Variants in ARHGAP36 observed in about 807,000 individuals in gnomAD.
ARHGAP36 encodes the protein rho GTPase-activating protein 36.
A neutral mutation model predicts 32.9 loss-of-function variants in ARHGAP36; 7 were observed. The ratio of observed to expected loss-of-function variants is 0.21; its 90% CI spans 0.12 to 0.40. ARHGAP36 has a LOEUF of 0.40. Ranked by LOEUF, ARHGAP36 falls within the 10% of genes least tolerant of loss-of-function variation. ARHGAP36 has a pLI of 1.00. For synonymous variants in ARHGAP36, 165 were observed against 168.3 expected (o/e 0.98, Z 0.15); for missense variants, 383 against 442.2 (o/e 0.87, Z 1.20).
chrX:131,064,784 T>G (rs1046491961), intron 1 of ARHGAP36, among the ~76,000 whole-genome samples: 6 of 111,239 alleles, frequency 5.4e-5, no homozygotes, highest in African/African-American at 2.0e-4. Flanking sequence ...TTCAAGGGCT[T>G]TACTCTCATG....
intron 3 of ARHGAP36, 31 bp from the exon 4 acceptor site, chrX:131,083,703 G>A: frequency 1.7e-6 from 2 of 1,187,856 alleles, no homozygotes; most frequent in Non-Finnish European, 2.3e-6. Context: ...AGGCTTTGAC[G>A]TTTCTCATTC....
At chrX:131,065,049 GTGT>G (rs1336482109) in intron 1 of ARHGAP36, among the ~76,000 whole-genome samples, 1 of 110,787 alleles carries the variant, frequency 9.0e-6, no homozygotes, top group Non-Finnish European at 1.9e-5. Context: ...GTTTGTGTGT[GTGT>G]GTGTGTGTGT....
chrX:131,078,846 C>A lies in ARHGAP36; in HGVS notation c.-142-2678C>A, dbSNP rs1050160309. 11 of 677,356 alleles carry A rather than the reference C, an allele frequency of 1.6e-5. No individual in the cohort carries two copies. The African/African-American group carries it at 2.5e-4, about 15-fold the overall frequency. The allele number at this position is 677,356 out of a possible 1,213,427, so 55.8% of individuals were successfully genotyped here. A position where few individuals can be genotyped will look rare whatever the true frequency, so the allele number is the denominator to read the frequency against. On this transcript the variant is annotated intron_variant, in intron 1 of 11. Transcript: ENST00000276211. Reference sequence around the variant, plus strand: ...GCTGGAGCAGGGAGGCAATGACAAACGGTTTATTCTAAGGCCTTTGATTTC... The same window carrying A: ...GCTGGAGCAGGGAGGCAATGACAAAAGGTTTATTCTAAGGCCTTTGATTTC...
At chrX:131,084,021 G>A (rs376767505) in intron 4 of ARHGAP36, 52 bp downstream of exon 4, 2 of 1,159,679 alleles carry the variant, frequency 1.7e-6, no homozygotes, top group East Asian at 3.1e-5. Flanking sequence ...AGGTATGCAG[G>A]AATGTGAGGC....
In ARHGAP36 at chrX:131,089,620, C is replaced by T. The variant is rs762569872; in HGVS notation, c.*835C>T. Reference sequence around the variant, plus strand: ...CTTGATTACAAATGTTCTTAACTATCGTCTCTGTAATTCCTTTATACAGGA... The same window carrying T: ...CTTGATTACAAATGTTCTTAACTATTGTCTCTGTAATTCCTTTATACAGGA... On this transcript the variant is annotated 3_prime_UTR_variant, in exon 12 of 12. Transcript: ENST00000276211. The T allele has an allele frequency of 1.8e-5, 2 of 113,121 alleles. No individual in the cohort carries two copies. Among genetic ancestry groups the T allele is most frequent in the Non-Finnish European group, 3.7e-5 (2 of 53,386 alleles). The allele number at this position is 113,121 out of a possible 1,213,427, so 9.3% of individuals were successfully genotyped here.
Position 131,089,557 on chromosome X carries a change from G to A in ARHGAP36, c.*772G>A, listed in dbSNP as rs1353477789. 1.8e-5 allele frequency: 2 copies of A among 113,283 alleles called. No individual in the cohort carries two copies. Among genetic ancestry groups the A allele is most frequent in the East Asian group, 2.8e-4 (1 of 3,601 alleles). 9.3% of individuals were successfully genotyped at this position (113,283 alleles called of 1,213,427 possible). A position where few individuals can be genotyped will look rare whatever the true frequency, so the allele number is the denominator to read the frequency against. On this transcript the variant is annotated 3_prime_UTR_variant, in exon 12 of 12. Transcript: ENST00000276211. ...CACCCTCTTGTCAGCAAAACAGCTA[G>A]TTAGGTAAGGACATATAGTTCCAAG...
At chrX:131,082,346 TGA>T (rs1251683937) in intron 2 of ARHGAP36, among the ~76,000 whole-genome samples, 17 of 111,667 alleles carry the variant, frequency 1.5e-4, no homozygotes, top group Non-Finnish European at 2.5e-4. Flanking sequence ...AGACAGTGCG[TGA>T]GAGAGAGACG....
At position 131,085,009 on chromosome X, in the gene ARHGAP36, C is replaced by T; in HGVS notation, c.900C>T (p.Asp300=). The change falls in exon 7 of 12, where the codon GAC becomes GAT. Residue 300 remains aspartate (D), a synonymous_variant. Transcript: ENST00000276211. ...VAALLKEFFR[D]MKDSLLPDDL... is the part of the protein sequence containing the mutation. ...CACTCCTCAAGGAGTTTTTCCGTGACATGAAGGATTCTCTGCTGCCAGATG... is the reference window on the plus strand; with the variant it reads ...CACTCCTCAAGGAGTTTTTCCGTGATATGAAGGATTCTCTGCTGCCAGATG... 5 of 1,211,580 alleles carry T rather than the reference C, an allele frequency of 4.1e-6. No homozygotes were observed. The highest frequency in any genetic ancestry group is 5.6e-6 in the Non-Finnish European group (5 of 895,523).
intron 1 of ARHGAP36, among the ~76,000 whole-genome samples, chrX:131,062,470 G>A (rs747927127): frequency 7.2e-5 from 8 of 110,730 alleles, no homozygotes; most frequent in East Asian, 2.8e-4. Context: ...GACTAGATCC[G>A]GCCAGCCAAC....
intron 1 of ARHGAP36, among the ~76,000 whole-genome samples, chrX:131,069,061 C>A (rs1369532585): frequency 8.9e-6 from 1 of 112,327 alleles, no homozygotes; most frequent in Non-Finnish European, 1.9e-5. Flanking sequence ...CAGCTTCGGA[C>A]TGGGCGCCAC....
chrX:131,059,857 G>T (rs1351310435), intron 1 of ARHGAP36, among the ~76,000 whole-genome samples: 21 of 111,721 alleles, frequency 1.9e-4, no homozygotes, highest in African/African-American at 6.5e-4. Flanking sequence ...GGACTAGAAG[G>T]TTGTCATGTG....
rs41310737 is a variant in ARHGAP36, at chrX:131,089,304, C to A, written c.*519C>A. The A allele has an allele frequency of 0.028, 3,218 of 113,325 alleles. 108 individuals carry two copies. The highest frequency in any genetic ancestry group is 0.15 in the East Asian group (516 of 3,542). The allele number at this position is 113,325 out of a possible 1,213,427, so 9.3% of individuals were successfully genotyped here. A position where few individuals can be genotyped will look rare whatever the true frequency, so the allele number is the denominator to read the frequency against. On this transcript the variant is annotated 3_prime_UTR_variant, in exon 12 of 12. Coordinates refer to ENST00000276211, the MANE Select transcript of ARHGAP36 (RefSeq NM_144967.4). ...TAATGCGAAATCATGTCACACCAAC[C>A]CATAGCCGTGTCCACGCAGCAACTC... is the stretch of plus-strand genomic sequence containing the variant.
chrX:131,087,705 C>T (rs1258700562), intron 11 of ARHGAP36, among the ~76,000 whole-genome samples: 1 of 111,702 alleles, frequency 9.0e-6, no homozygotes, highest in East Asian at 2.8e-4. Context: ...CATGAAGAAT[C>T]CTCAGATGTG....
intron 1 of ARHGAP36, among the ~76,000 whole-genome samples, chrX:131,074,559 A>G (rs1210877578): frequency 8.9e-6 from 1 of 111,928 alleles, no homozygotes; most frequent in Non-Finnish European, 1.9e-5. Flanking sequence ...CTTATAGCTG[A>G]CTAGGGATCT....
chrX:131,076,493 C>A (rs2079763489), intron 1 of ARHGAP36, among the ~76,000 whole-genome samples: 1 of 112,488 alleles, frequency 8.9e-6, no homozygotes, highest in Admixed American at 9.4e-5. Flanking sequence ...AATTTAAAAA[C>A]AGGATTCCAT....
chrX:131,086,093 G>T lies in ARHGAP36; in HGVS notation c.1281+4G>T. The T allele has an allele frequency of 8.3e-7, 1 of 1,209,630 alleles. No homozygotes were observed. The highest frequency in any genetic ancestry group is 1.1e-6 in the Non-Finnish European group (1 of 894,097). On this transcript the variant is annotated splice_donor_region_variant and intron_variant, in intron 9 of 11. Coordinates refer to ENST00000276211, the MANE Select transcript of ARHGAP36 (RefSeq NM_144967.4). ...TAACTGGGATGTCCTCTTCCAGGTA[G>T]GTGCAAGTTTTGGATGCACTTGTTT... is the stretch of plus-strand genomic sequence containing the variant.
In ARHGAP36 at chrX:131,058,408, C is replaced by T. The variant is rs2079651451; in HGVS notation, c.-179C>T. The T allele has an allele frequency of 3.6e-6, 4 of 1,108,752 alleles. No individual in the cohort carries two copies. The highest frequency in any genetic ancestry group is 4.7e-6 in the Non-Finnish European group (4 of 842,764). The allele number at this position is 1,108,752 out of a possible 1,213,427, so 91.4% of individuals were successfully genotyped here. A position where few individuals can be genotyped will look rare whatever the true frequency, so the allele number is the denominator to read the frequency against. On this transcript the variant is annotated 5_prime_UTR_variant, in exon 1 of 12. Coordinates refer to ENST00000276211, the MANE Select transcript of ARHGAP36 (RefSeq NM_144967.4). ...GGTCATGGCGTGGATACTGGACTGC[C>T]TTTTCGCCTCGGCCTTTGAGCCCCG...
rs756019870 is a variant in ARHGAP36, at chrX:131,075,796, G to A, written c.-142-5728G>A. Among the ~76,000 whole-genome samples, 5 of 111,349 alleles carry A rather than the reference G, an allele frequency of 4.5e-5. No individual in the cohort carries two copies. The South Asian group carries it at 1.9e-3, about 43-fold the overall frequency. On this transcript the variant is annotated intron_variant, in intron 1 of 11. Coordinates refer to ENST00000276211, the MANE Select transcript of ARHGAP36 (RefSeq NM_144967.4). ...ACTTTCCCAGTTCCAGGCAGCAGAT[G>A]TTGGTGGTGAATACCAAGAACTGCT...
intron 1 of ARHGAP36, among the ~76,000 whole-genome samples, chrX:131,080,367 G>C (rs1487417586): frequency 2.9e-5 from 3 of 103,468 alleles, no homozygotes; most frequent in Non-Finnish European, 5.9e-5. Context: ...TTGCTAACTT[G>C]TGTATCTCCT....
Sources: allele counts gnomAD v4.1 joint callset (sites outside exome capture counted in the v4.1 genomes callset), GRCh38; gene constraint gnomAD v4.1.1; transcripts MANE v1.5; gene names NCBI Gene and HGNC (gene_info 2026-07-23, HGNC 2026-07-21).